PRKCB: variants seen among roughly 807,000 people sequenced by gnomAD.
PRKCB encodes the protein protein kinase C beta type.
Under a neutral mutation model 81.5 loss-of-function variants are expected in PRKCB, and 13 were observed. The observed-to-expected ratio is 0.16, with a 90% CI of 0.10 to 0.25. The LOEUF (loss-of-function observed/expected upper bound fraction) is 0.25. Among genes scored for constraint, PRKCB ranks in the 10% least tolerant of loss-of-function variants. PRKCB has a pLI of 1.00. For synonymous variants in PRKCB, 335 were observed against 321.4 expected (o/e 1.04, Z -0.45); for missense variants, 509 against 875.7 (o/e 0.58, Z 5.29).
intron 10 of PRKCB, among the ~76,000 whole-genome samples, 180 bp downstream of exon 10, chr16:24,155,037 C>T (rs943763817): frequency 2.0e-5 from 3 of 152,212 alleles, no homozygotes; most frequent in Non-Finnish European, 4.4e-5. Flanking sequence ...AAACGCTCTC[C>T]CCTGAGACAG....
intron 2 of PRKCB, among the ~76,000 whole-genome samples, chr16:23,953,252 C>T (rs1181747879): frequency 2.0e-5 from 3 of 152,172 alleles, no homozygotes; most frequent in African/African-American, 7.2e-5. Flanking sequence ...GAAAGCTAAC[C>T]AGCTGTCTAC....
chr16:23,864,003 C>A (rs1386362522), intron 2 of PRKCB, among the ~76,000 whole-genome samples: 1 of 152,112 alleles, frequency 6.6e-6, no homozygotes. Context: ...AGAGTAAAAT[C>A]TTAGCTAAGC....
chr16:24,184,436 CAAAAAGAGACACTATCTCAA>C (rs1024128338), intron 13 of PRKCB, among the ~76,000 whole-genome samples: 8 of 138,854 alleles, frequency 5.8e-5, no homozygotes, highest in African/African-American at 2.2e-4. Context: ...GCCTGGGTGA[CAAAAAGAGACACTATCTCAA>C]AAAAAAAAGA....
chr16:24,170,833 G>A (rs1283945731), intron 10 of PRKCB, among the ~76,000 whole-genome samples: 2 of 152,242 alleles, frequency 1.3e-5, no homozygotes, highest in Non-Finnish European at 2.9e-5. Flanking sequence ...CACCTGCTAT[G>A]TGCTAGTTGT....
intron 16 of PRKCB, among the ~76,000 whole-genome samples, chr16:24,201,774 G>A (rs988348372): frequency 5.8e-4 from 88 of 152,180 alleles, no homozygotes; most frequent in African/African-American, 2.1e-3. Context: ...GGTGGCTCAC[G>A]CCTATAATCC....
At chr16:24,189,753 C>T (rs1054406240) in intron 15 of PRKCB, among the ~76,000 whole-genome samples, 3 of 151,894 alleles carry the variant, frequency 2.0e-5, no homozygotes, top group African/African-American at 7.3e-5. Flanking sequence ...GTGTGTGAGA[C>T]CACAAATTAT....
intron 2 of PRKCB, among the ~76,000 whole-genome samples, chr16:23,961,127 T>G (rs557759361): frequency 1.2e-4 from 19 of 152,326 alleles, no homozygotes; most frequent in African/African-American, 3.8e-4. Context: ...CAGACTGGCC[T>G]TGGAATCCTA....
At chr16:23,885,419 C>T (rs945649023) in intron 2 of PRKCB, among the ~76,000 whole-genome samples, 1 of 152,182 alleles carries the variant, frequency 6.6e-6, no homozygotes, top group Non-Finnish European at 1.5e-5. Flanking sequence ...AGCCATTCTC[C>T]TGCCTCAGCC....
chr16:24,173,284 A>G (rs1967473369), intron 11 of PRKCB, among the ~76,000 whole-genome samples: 1 of 152,172 alleles, frequency 6.6e-6, no homozygotes, highest in South Asian at 2.1e-4. Context: ...CACAGATTTC[A>G]TCATGTCATT....
At chr16:24,015,085 A>G (rs1235354859) in intron 3 of PRKCB, among the ~76,000 whole-genome samples, 3 of 152,106 alleles carry the variant, frequency 2.0e-5, no homozygotes, top group Admixed American at 2.0e-4. Flanking sequence ...ACAGGTGTGA[A>G]CTGCCGCGCC....
At chr16:24,035,333 G>A in intron 4 of PRKCB, 86 bp from the exon 5 acceptor site, 1 of 1,507,030 alleles carries the variant, frequency 6.6e-7, no homozygotes, top group East Asian at 2.4e-5. Context: ...GAAACAGGAA[G>A]GGCTCAGCGG....
rs186097902 is a variant in PRKCB, at chr16:23,940,414, A to G, written c.206-48094A>G. 5.8e-4 allele frequency among the ~76,000 whole-genome samples: 88 copies of G among 152,262 alleles called. 1 individual carries two copies. Among genetic ancestry groups the G allele is most frequent in the Non-Finnish European group, 3.2e-4 (22 of 68,026 alleles). On this transcript the variant is annotated intron_variant, in intron 2 of 16. Transcript: ENST00000643927. ...GTGAATATTTATAGCAAGCAAGGAA[A>G]AAAAAACCCACAAGAGAAACCTAAG... is the stretch of plus-strand genomic sequence containing the variant.
rs569461599 is a variant in PRKCB at position 23,974,180 on chromosome 16, G to C, written c.206-14328G>C. On this transcript the variant is annotated intron_variant, in intron 2 of 16. Transcript: ENST00000643927. ...GGGAGGAGAGAAGGGTGAGTCCCAG[G>C]GTAAGGGATGCAGGCACATCCTGAG... 2.0e-5 allele frequency among the ~76,000 whole-genome samples: 3 copies of C among 152,142 alleles called. No homozygotes were observed. In the East Asian group the frequency reaches 5.8e-4, roughly 29 times the overall value.
At chr16:24,213,894 G>A (rs918234842) in intron 16 of PRKCB, among the ~76,000 whole-genome samples, 2 of 152,182 alleles carry the variant, frequency 1.3e-5, no homozygotes, top group Non-Finnish European at 2.9e-5. Flanking sequence ...GGTGAGAAAT[G>A]GCAATGGTTT....
chr16:23,840,276 C>T (rs1247981123), intron 2 of PRKCB, among the ~76,000 whole-genome samples: 1 of 152,092 alleles, frequency 6.6e-6, no homozygotes, highest in Non-Finnish European at 1.5e-5. Flanking sequence ...GTTTTATGAT[C>T]TCACTTAAGT....
intron 2 of PRKCB, among the ~76,000 whole-genome samples, chr16:23,937,043 T>C (rs927470337): frequency 1.3e-5 from 2 of 152,192 alleles, no homozygotes; most frequent in African/African-American, 4.8e-5. Context: ...TTTTTTTCCA[T>C]TGGTGGCTTT....
At chr16:24,101,582 C>T (rs2141908168) in intron 7 of PRKCB, among the ~76,000 whole-genome samples, 1 of 152,352 alleles carries the variant, frequency 6.6e-6, no homozygotes, top group African/African-American at 2.4e-5. Flanking sequence ...TGAAGTTGAA[C>T]TGAAACTAAC....
At chr16:24,071,913 G>A (rs1405494405) in intron 5 of PRKCB, among the ~76,000 whole-genome samples, 4 of 152,024 alleles carry the variant, frequency 2.6e-5, no homozygotes, top group African/African-American at 9.7e-5. Context: ...AGGGGTCGTC[G>A]GCATCACTGG....
chr16:24,206,106 A>G (rs1286978746), intron 16 of PRKCB, among the ~76,000 whole-genome samples: 2 of 152,248 alleles, frequency 1.3e-5, no homozygotes, highest in Admixed American at 6.5e-5. Flanking sequence ...CTAAATAAAC[A>G]TAAGAGATAA....
Sources: gnomAD v4.1 joint callset for allele counts (sites outside exome capture counted in the v4.1 genomes callset) on GRCh38, gnomAD v4.1.1 for gene constraint, MANE v1.5 for transcripts, NCBI Gene and HGNC (gene_info 2026-07-23, HGNC 2026-07-21) for gene names.